XRCC6: variants seen among roughly 807,000 people sequenced by gnomAD.
XRCC6 encodes the protein DNA repair protein Ku70.
A neutral mutation model predicts 65.7 loss-of-function variants in XRCC6; 5 were observed. The ratio of observed to expected loss-of-function variants is 0.08; its 90% CI spans 0.04 to 0.16. XRCC6 has a LOEUF of 0.16. XRCC6 is among the 10% of genes least tolerant of loss of function. The probability of loss-of-function intolerance (pLI) is 1.00; values close to 1 mark genes in which losing one functional copy is unlikely to be tolerated. For synonymous variants in XRCC6, 270 were observed against 270.6 expected (o/e 1.00, Z 0.02); for missense variants, 447 against 738.1 (o/e 0.61, Z 4.57).
intron 10 of XRCC6, among the ~76,000 whole-genome samples, chr22:41,657,418 TAA>T (rs2068054397): frequency 6.6e-6 from 1 of 151,794 alleles, no homozygotes; most frequent in Non-Finnish European, 1.5e-5. Flanking sequence ...CTCACATATA[TAA>T]TAGACCAACT....
intron 11 of XRCC6, 112 bp from the exon 12 acceptor site, chr22:41,661,219 C>T: frequency 1.2e-6 from 1 of 853,946 alleles, no homozygotes; most frequent in Non-Finnish European, 1.9e-6. Context: ...TAGACCCCTC[C>T]CACCTTAGCA....
intron 3 of XRCC6, among the ~76,000 whole-genome samples, chr22:41,628,965 CAAAAAAA>C (rs11413169): frequency 4.8e-5 from 3 of 62,722 alleles, no homozygotes; most frequent in African/African-American, 2.0e-4. Context: ...GACTCTGTCT[CAAAAAAA>C]AAAAAAAAAA....
intron 7 of XRCC6, chr22:41,648,328 C>G (rs569603274): frequency 6.6e-6 from 1 of 152,022 alleles, no homozygotes; most frequent in African/African-American, 2.4e-5. Flanking sequence ...GAAAACCTCA[C>G]CCCTTCATCA....
At chr22:41,621,531 CGCGTTTGAGGCCCGCCT>C (rs997523488) in intron 1 of XRCC6, 186 bp downstream of exon 1, 112 of 167,348 alleles carry the variant, frequency 6.7e-4, no homozygotes, top group South Asian at 2.1e-3. Context: ...GGCGGCACCT[CGCGTTTGAGGCCCGCCT>C]GCGTTTGAGG....
rs369429364 is a variant in XRCC6 at position 41,661,348 on chromosome 22, A to G, written c.1540A>G (p.Met514Val). 38 of 1,613,692 alleles carry G rather than the reference A, an allele frequency of 2.4e-5. No individual in the cohort carries two copies. Among genetic ancestry groups the G allele is most frequent in the Admixed American group, 3.3e-5 (2 of 59,936 alleles). Residue 514 changes from methionine to valine, a missense_variant, in exon 12 of 13, where the codon ATG (methionine) becomes GTG (valine). Met to Val is a conservative substitution (Grantham distance 21). This residue lies in a region of XRCC6 where 201 missense variants were observed against 374.1 expected (regional missense o/e 0.54). Coordinates refer to ENST00000360079, the MANE Select transcript of XRCC6 (RefSeq NM_001469.5). ...TTTTCTAGTGCCCAAGGTTGAAGCA[A>G]TGAATAAAAGACTGGGCTCCTTGGT... is the stretch of plus-strand genomic sequence containing the variant. ...VDLTLPKVEA[M>V]NKRLGSLVDE...
intron 11 of XRCC6, among the ~76,000 whole-genome samples, chr22:41,661,119 C>A (rs1290103465): frequency 1.3e-5 from 2 of 151,928 alleles, no homozygotes; most frequent in East Asian, 3.9e-4. Flanking sequence ...AAGTTTAAAG[C>A]ATTTACAACA....
intron 6 of XRCC6, among the ~76,000 whole-genome samples, chr22:41,644,247 T>A (rs2067908328): frequency 6.6e-6 from 1 of 152,236 alleles, no homozygotes. Flanking sequence ...CACATTTCTT[T>A]CTGTTGTGGA....
At chr22:41,663,474 G>C in intron 12 of XRCC6, 148 bp from the exon 13 acceptor site, 1 of 844,548 alleles carries the variant, frequency 1.2e-6, no homozygotes, top group South Asian at 1.9e-5. Context: ...ACCTTATCGA[G>C]ATAAGTCTTC....
At chr22:41,636,385 C>T (rs1351659939) in intron 4 of XRCC6, 131 bp from the exon 5 acceptor site, 18 of 1,483,100 alleles carry the variant, frequency 1.2e-5, no homozygotes, top group Non-Finnish European at 1.5e-5. Context: ...GGACCTTGCT[C>T]GATGTGGACT....
chr22:41,640,731 C>T (rs959574815), intron 6 of XRCC6, among the ~76,000 whole-genome samples: 1 of 152,298 alleles, frequency 6.6e-6, no homozygotes, highest in Middle Eastern at 3.4e-3. Context: ...TTTCTTTCCT[C>T]AGACAAGTAT....
In XRCC6 at chr22:41,661,435, A is replaced by C; in HGVS notation, c.1627A>C (p.Arg543=). The change falls in exon 12 of 13, where the codon AGA becomes CGA. Residue 543 remains arginine (R), a synonymous_variant. Coordinates refer to ENST00000360079, the MANE Select transcript of XRCC6 (RefSeq NM_001469.5). The stretch of plus-strand genomic sequence containing the variant: ...CAATCCTGAAGGGAAAGTTACCAAG[A>C]GAAAACACGGTGAGAAGCTGAATGT... The part of the protein sequence containing the change: ...DYNPEGKVTK[R]KHDNEGSGSK... 6.2e-7 allele frequency: 1 copy of C among 1,613,946 alleles called. No homozygotes were observed. The highest frequency in any genetic ancestry group is 2.2e-5 in the East Asian group (1 of 44,868).
chr22:41,642,683 A>G lies in XRCC6; in HGVS notation c.774-4213A>G, dbSNP rs2067891242. Among the ~76,000 whole-genome samples the G allele has an allele frequency of 2.0e-5, 3 of 152,222 alleles. No individual in the cohort carries two copies. The South Asian group carries it at 6.2e-4, about 32-fold the overall frequency. The stretch of plus-strand genomic sequence containing the variant: ...TGGGTAGTCTGGGCATTTTAACAAT[A>G]TTTAAACTTACTGTAGCAATCTATA... On this transcript the variant is annotated intron_variant, in intron 6 of 12. Transcript: ENST00000360079.
chr22:41,641,372 GAT>G (rs2067874358), intron 6 of XRCC6, among the ~76,000 whole-genome samples: 1 of 152,136 alleles, frequency 6.6e-6, no homozygotes, highest in East Asian at 1.9e-4. Flanking sequence ...GGATCCATGA[GAT>G]ATTTTGGTAT....
intron 2 of XRCC6, among the ~76,000 whole-genome samples, chr22:41,622,733 G>T (rs988255528): frequency 2.6e-5 from 4 of 152,058 alleles, no homozygotes; most frequent in African/African-American, 9.7e-5. Flanking sequence ...GATGTCAGGA[G>T]ATCAAGACCA....
rs764795746 is a variant in XRCC6, at chr22:41,651,361, ATTTTTTTTTTTTTTTTTTTTTTTTTTTTT to A, written c.1129+488_1129+516del. Among the ~76,000 whole-genome samples the A allele has an allele frequency of 1.0e-3, 51 of 49,758 alleles. 3 individuals carry two copies. In the East Asian group the frequency reaches 0.022, roughly 21 times the overall value. 32.6% of individuals were successfully genotyped at this position (49,758 alleles called of 152,430 possible). A position where few individuals can be genotyped will look rare whatever the true frequency, so the allele number is the denominator to read the frequency against. On this transcript the variant is annotated intron_variant, in intron 8 of 12. Coordinates refer to ENST00000360079, the MANE Select transcript of XRCC6 (RefSeq NM_001469.5). ...TGTGGGAATGAAGAAAGTTAAACAGATTTTTTTTTTTTTTTTTTTTTTTTTTTTTTTTTTTTTTTTTTTTTTGGAGATGG... is the reference window on the plus strand; with the variant it reads ...TGTGGGAATGAAGAAAGTTAAACAGATTTTTTTTTTTTTTTTTGGAGATGG...
chr22:41,650,875 G>A lies in XRCC6; in HGVS notation c.1113G>A (p.Glu371=). ...GGCCCTCCCTGTTCGTGTACCCAGA[G>A]GAGTCGCTGGTGATTGGTAAGTAGC... is the stretch of plus-strand genomic sequence containing the variant. ...YLRPSLFVYP[E]ESLVIGSSTL... The change falls in exon 8 of 13, where the codon GAG becomes GAA. Residue 371 remains glutamate, a synonymous_variant. Transcript: ENST00000360079. The A allele has an allele frequency of 6.2e-7, 1 of 1,614,160 alleles. No homozygotes were observed. The highest frequency in any genetic ancestry group is 8.5e-7 in the Non-Finnish European group (1 of 1,180,026).
At chr22:41,622,193 C>A in intron 2 of XRCC6, 107 bp downstream of exon 2, 1 of 1,150,548 alleles carries the variant, frequency 8.7e-7, no homozygotes, top group East Asian at 2.5e-5. Flanking sequence ...CTTCTCCTCC[C>A]AGATAATTCT....
intron 6 of XRCC6, among the ~76,000 whole-genome samples, chr22:41,646,158 C>T (rs951086624): frequency 8.6e-5 from 13 of 152,038 alleles, no homozygotes; most frequent in Admixed American, 3.3e-4. Flanking sequence ...AAGAAATTAG[C>T]TGGGTGTCGT....
At chr22:41,641,302 C>T (rs2067872995) in intron 6 of XRCC6, among the ~76,000 whole-genome samples, 1 of 74,688 alleles carries the variant, frequency 1.3e-5, no homozygotes, top group Admixed American at 9.8e-5. Context: ...AAATATTAAA[C>T]TTACGCTTTT....
Sources: gnomAD v4.1 joint callset for allele counts (sites outside exome capture counted in the v4.1 genomes callset) on GRCh38, gnomAD v4.1.1 for gene constraint, gnomAD v4.1.1 regional missense constraint, MANE v1.5 for transcripts, NCBI Gene and HGNC (gene_info 2026-07-23, HGNC 2026-07-21) for gene names.